The following CCSER1 variants were observed in gnomAD, a reference collection of about 807,000 sequenced individuals.
CCSER1 encodes the protein coiled-coil serine rich protein 1, also known as serine-rich coiled-coil domain-containing protein 1.
A neutral mutation model predicts 82.0 loss-of-function variants in CCSER1; 41 were observed. That is an observed-to-expected ratio of 0.50 (90% confidence interval 0.39 to 0.65). CCSER1 has a LOEUF of 0.65. Among genes scored for constraint, CCSER1 ranks in the 30% least tolerant of loss-of-function variants. CCSER1 has a pLI of 0.00. For missense variants in CCSER1, 1,119 were observed against 1,064.2 expected, an observed-to-expected ratio of 1.05 and a Z score of -0.72; for synonymous variants, 414 against 383.9, an observed-to-expected ratio of 1.08 and a Z score of -0.92.
chr4:91,174,494 T>G lies in CCSER1; in HGVS notation c.2217+88500T>G, dbSNP rs1320611340. Among the ~76,000 whole-genome samples the G allele has an allele frequency of 2.6e-5, 4 of 152,270 alleles. No homozygotes were observed. The East Asian group carries it at 7.7e-4, about 29-fold the overall frequency. Reference sequence around the variant, plus strand: ...AGTTCTGGGAAGCATGTGCAGGACATGCAGGTTTGTTACATAGGTATACAT... The same window carrying G: ...AGTTCTGGGAAGCATGTGCAGGACAGGCAGGTTTGTTACATAGGTATACAT... On this transcript the variant is annotated intron_variant, in intron 10 of 10. Coordinates refer to ENST00000509176, the MANE Select transcript of CCSER1 (RefSeq NM_001145065.2).
chr4:90,287,835 T>C (rs1216327409), intron 1 of CCSER1, among the ~76,000 whole-genome samples: 2 of 151,922 alleles, frequency 1.3e-5, no homozygotes, highest in Non-Finnish European at 2.9e-5. Context: ...GTATTTATGT[T>C]TCATTTTTCT....
chr4:91,012,298 G>A (rs1291159190), intron 9 of CCSER1, among the ~76,000 whole-genome samples: 1 of 134,362 alleles, frequency 7.4e-6, no homozygotes, highest in African/African-American at 2.5e-5. Flanking sequence ...AAGGGGACAG[G>A]GCATAGCAGT....
chr4:90,159,218 T>C (rs1728956028), intron 1 of CCSER1, among the ~76,000 whole-genome samples: 1 of 151,954 alleles, frequency 6.6e-6, no homozygotes, highest in African/African-American at 2.4e-5. Flanking sequence ...ATTATTATTA[T>C]TATTACTTGA....
chr4:90,192,569 T>C (rs2153397809), intron 1 of CCSER1, among the ~76,000 whole-genome samples: 1 of 152,148 alleles, frequency 6.6e-6, no homozygotes, highest in African/African-American at 2.4e-5. Context: ...TTACCCTCAT[T>C]GAGACTATTT....
intron 10 of CCSER1, among the ~76,000 whole-genome samples, chr4:91,139,876 G>A (rs1561579414): frequency 6.6e-6 from 1 of 152,046 alleles, no homozygotes; most frequent in Admixed American, 6.6e-5. Flanking sequence ...AGTCCATTGA[G>A]ACTAGTTTGC....
intron 1 of CCSER1, among the ~76,000 whole-genome samples, chr4:90,227,722 C>T (rs35065484): frequency 0.61 from 92,905 of 152,012 alleles, 29,735 homozygotes; most frequent in East Asian, 0.83. Flanking sequence ...GGGTTCATCT[C>T]ACTAGGGAGT....
At chr4:90,702,118 A>T (rs754813199) in intron 6 of CCSER1, among the ~76,000 whole-genome samples, 3 of 152,036 alleles carry the variant, frequency 2.0e-5, no homozygotes, top group Non-Finnish European at 4.4e-5. Context: ...GTTTGTCATA[A>T]ATAGCTCTTA....
At chr4:91,114,308 C>T (rs1726360502) in intron 10 of CCSER1, among the ~76,000 whole-genome samples, 1 of 152,042 alleles carries the variant, frequency 6.6e-6, no homozygotes, top group South Asian at 2.1e-4. Flanking sequence ...TACTCTGAGA[C>T]TTTGGAATCC....
At chr4:90,687,819 T>A (rs1230865278) in intron 6 of CCSER1, among the ~76,000 whole-genome samples, 2 of 152,164 alleles carry the variant, frequency 1.3e-5, no homozygotes, top group Non-Finnish European at 2.9e-5. Context: ...TACTTCATAA[T>A]TGATGGGTCA....
chr4:90,740,467 G>A (rs1329462444), intron 7 of CCSER1, among the ~76,000 whole-genome samples: 1 of 152,076 alleles, frequency 6.6e-6, no homozygotes, highest in Non-Finnish European at 1.5e-5. Context: ...TGTGTTAAAA[G>A]ATATGCAATA....
chr4:91,075,124 C>G (rs1721837792), intron 9 of CCSER1, among the ~76,000 whole-genome samples: 3 of 151,820 alleles, frequency 2.0e-5, no homozygotes, highest in Admixed American at 2.0e-4. Context: ...AGCGCAGTTA[C>G]CAGGGGTGTT....
rs368585104 is a variant in CCSER1, at chr4:91,078,311, CAG to C, written c.2173-7638_2173-7637del. Among the ~76,000 whole-genome samples, 1,057 of 152,276 alleles carry C rather than the reference CAG, an allele frequency of 6.9e-3. 8 individuals are homozygous for C. Among genetic ancestry groups the C allele is most frequent in the African/African-American group, 0.024 (991 of 41,540 alleles). On this transcript the variant is annotated intron_variant, in intron 9 of 10. Transcript: ENST00000509176. ...CCTCCGCAGGTGATACCCAGGCAAA[CAG>C]GGTCTGGAGTGGACTTCCAGCAAAC...
chr4:90,457,522 G>A (rs1762343060), intron 4 of CCSER1, among the ~76,000 whole-genome samples: 1 of 152,172 alleles, frequency 6.6e-6, no homozygotes, highest in African/African-American at 2.4e-5. Context: ...CCAGAGACCT[G>A]AAGTGGGTAG....
chr4:91,194,062 C>T (rs1042177668), intron 10 of CCSER1, among the ~76,000 whole-genome samples: 7 of 152,138 alleles, frequency 4.6e-5, no homozygotes, highest in East Asian at 3.9e-4. Flanking sequence ...CCCTGTCTCC[C>T]GAATCCAAGT....
chr4:91,170,804 A>C (rs1581700132), intron 10 of CCSER1, among the ~76,000 whole-genome samples: 1 of 152,172 alleles, frequency 6.6e-6, no homozygotes, highest in Non-Finnish European at 1.5e-5. Context: ...CCAGCAAGGA[A>C]CCCACCATAT....
At chr4:90,574,025 T>C (rs892265747) in intron 5 of CCSER1, among the ~76,000 whole-genome samples, 1 of 152,004 alleles carries the variant, frequency 6.6e-6, no homozygotes, top group Non-Finnish European at 1.5e-5. Context: ...ATATTGTTTT[T>C]TTTTTAATTA....
intron 10 of CCSER1, among the ~76,000 whole-genome samples, chr4:91,161,925 AT>A (rs955106711): frequency 8.6e-5 from 13 of 151,972 alleles, no homozygotes; most frequent in African/African-American, 3.1e-4. Context: ...AATACCCTGT[AT>A]TTTTTTCTTT....
chr4:90,227,699 C>T (rs952649978), intron 1 of CCSER1, among the ~76,000 whole-genome samples: 4 of 152,176 alleles, frequency 2.6e-5, no homozygotes, highest in African/African-American at 7.2e-5. Context: ...TCTGCATTTT[C>T]GTCTGAGGTA....
intron 1 of CCSER1, among the ~76,000 whole-genome samples, chr4:90,246,443 A>G (rs1721413549): frequency 6.6e-6 from 1 of 152,162 alleles, no homozygotes; most frequent in Non-Finnish European, 1.5e-5. Flanking sequence ...AGGAGATACA[A>G]ATAAAAACAC....
Sources: allele counts gnomAD v4.1 joint callset (sites outside exome capture counted in the v4.1 genomes callset), GRCh38; gene constraint gnomAD v4.1.1; transcripts MANE v1.5; gene names NCBI Gene and HGNC (gene_info 2026-07-23, HGNC 2026-07-21).